The following NAPB variants were observed in gnomAD, a reference collection of about 807,000 sequenced individuals.
NAPB encodes beta-soluble NSF attachment protein.
In NAPB, 26 loss-of-function variants were observed where a neutral mutation model predicts 44.7. The ratio of observed to expected loss-of-function variants is 0.58; its 90% CI spans 0.43 to 0.81. NAPB has a LOEUF of 0.81. Ranked by LOEUF, NAPB falls within the 30% of genes least tolerant of loss-of-function variation. NAPB has a pLI of 0.00. For synonymous variants in NAPB, 120 were observed against 116.8 expected (o/e 1.03, Z -0.18); for missense variants, 315 against 356.4 (o/e 0.88, Z 0.94).
intron 1 of NAPB, among the ~76,000 whole-genome samples, chr20:23,404,611 G>A (rs1251298704): frequency 6.6e-6 from 1 of 152,136 alleles, no homozygotes; most frequent in Non-Finnish European, 1.5e-5. Flanking sequence ...GTTATTATGA[G>A]GATCAAAAGA....
chr20:23,383,044 A>G (rs1277333222), intron 7 of NAPB, among the ~76,000 whole-genome samples: 2 of 151,788 alleles, frequency 1.3e-5, no homozygotes, highest in Non-Finnish European at 2.9e-5. Context: ...AGTCCCAGCT[A>G]CTTGGGAGGC....
chr20:23,392,127 A>G (rs1984003065), intron 5 of NAPB, among the ~76,000 whole-genome samples: 1 of 152,228 alleles, frequency 6.6e-6, no homozygotes, highest in Admixed American at 6.5e-5. Context: ...TGCTAGGCTC[A>G]GGGCTGTGAT....
At chr20:23,407,060 C>T (rs1985303253) in intron 1 of NAPB, among the ~76,000 whole-genome samples, 1 of 152,258 alleles carries the variant, frequency 6.6e-6, no homozygotes, top group South Asian at 2.1e-4. Flanking sequence ...CAGTAGTGTA[C>T]CTGACACTTG....
intron 10 of NAPB, among the ~76,000 whole-genome samples, chr20:23,377,705 T>C (rs992484285): frequency 6.6e-6 from 1 of 152,234 alleles, no homozygotes; most frequent in Non-Finnish European, 1.5e-5. Context: ...GTTCCTGGGC[T>C]TGACATTTCT....
At chr20:23,409,262 T>C (rs1985478650) in intron 1 of NAPB, among the ~76,000 whole-genome samples, 1 of 152,184 alleles carries the variant, frequency 6.6e-6, no homozygotes, top group Admixed American at 6.5e-5. Context: ...TTCTGCTTAA[T>C]TAAGGACAAA....
At chr20:23,396,002 C>T (rs572720839) in intron 3 of NAPB, among the ~76,000 whole-genome samples, 5 of 152,336 alleles carry the variant, frequency 3.3e-5, no homozygotes, top group African/African-American at 4.8e-5. Context: ...ATCCCTGTTA[C>T]ACCTTTTAAA....
rs1266302943 is a variant in NAPB at position 23,421,326 on chromosome 20, G to A, written c.77C>T (p.Ser26Phe). The change falls in exon 1 of 11, where the codon TCC (serine) becomes TTC (phenylalanine). Residue 26 changes from serine to phenylalanine, a missense_variant. This residue lies in a region of NAPB where 179 missense variants were observed against 182.5 expected (regional missense o/e 0.98). Transcript: ENST00000377026. Reference sequence around the variant, plus strand: ...TCACCCAAACAGCCCTCGGAGGAAGGAGTGGGAGGCCTTGACTCGCTTCTC... The same window carrying A: ...TCACCCAAACAGCCCTCGGAGGAAGAAGTGGGAGGCCTTGACTCGCTTCTC... ...EAEKRVKASH[S>F]FLRGLFGGNT... The A allele has an allele frequency of 1.3e-6, 2 of 1,563,778 alleles. No homozygotes were observed. Among genetic ancestry groups the A allele is most frequent in the South Asian group, 2.3e-5 (2 of 85,164 alleles).
intron 2 of NAPB, among the ~76,000 whole-genome samples, chr20:23,401,732 T>C (rs1437245989): frequency 1.3e-5 from 2 of 152,042 alleles, no homozygotes; most frequent in African/African-American, 4.8e-5. Context: ...ATACAAACAA[T>C]TAGCTGGGCG....
intron 1 of NAPB, among the ~76,000 whole-genome samples, chr20:23,420,312 G>A (rs567513198): frequency 6.6e-6 from 1 of 152,312 alleles, no homozygotes; most frequent in African/African-American, 2.4e-5. Context: ...CAGCGTTACC[G>A]TTAATCAAAC....
intron 1 of NAPB, among the ~76,000 whole-genome samples, chr20:23,406,013 G>A (rs1985227020): frequency 6.6e-6 from 1 of 152,096 alleles, no homozygotes; most frequent in Non-Finnish European, 1.5e-5. Flanking sequence ...GAGGTGTTTA[G>A]GTCATGAGCC....
chr20:23,381,692 G>A (rs935601284), intron 7 of NAPB, among the ~76,000 whole-genome samples: 4 of 152,142 alleles, frequency 2.6e-5, no homozygotes, highest in Admixed American at 2.6e-4. Context: ...TCCATGGCAT[G>A]AAACTGAAGA....
At chr20:23,384,639 GA>G (rs1380581711) in intron 7 of NAPB, among the ~76,000 whole-genome samples, 1 of 150,074 alleles carries the variant, frequency 6.7e-6, no homozygotes, top group Non-Finnish European at 1.5e-5. Context: ...AAGAAAGAAA[GA>G]AAAAAAAGAA....
chr20:23,406,695 A>G (rs1985281689), intron 1 of NAPB, among the ~76,000 whole-genome samples: 1 of 152,178 alleles, frequency 6.6e-6, no homozygotes, highest in Admixed American at 6.5e-5. Context: ...CTCACATGAA[A>G]ACATTCTCAA....
At chr20:23,417,704 G>A (rs564230489) in intron 1 of NAPB, among the ~76,000 whole-genome samples, 1 of 151,944 alleles carries the variant, frequency 6.6e-6, no homozygotes, top group Non-Finnish European at 1.5e-5. Context: ...AACTACAAAA[G>A]CACATTACTG....
At chr20:23,404,531 G>A (rs1985097107) in intron 1 of NAPB, among the ~76,000 whole-genome samples, 1 of 152,168 alleles carries the variant, frequency 6.6e-6, no homozygotes, top group Non-Finnish European at 1.5e-5. Flanking sequence ...GTATGGCCCT[G>A]GACCAGTTCT....
intron 1 of NAPB, among the ~76,000 whole-genome samples, chr20:23,405,616 C>T (rs1383553110): frequency 6.6e-6 from 1 of 151,946 alleles, no homozygotes; most frequent in Admixed American, 6.6e-5. Context: ...CCCAGCTACA[C>T]AGGAGGCTGA....
rs1351091320 is a variant in NAPB at position 23,413,055 on chromosome 20, T to C, written c.98+8250A>G. ...TCATGCCTATGATCCCAGCACTCTT[T>C]GGGAGGCCAAAGCAGGAGGATTGCT... On this transcript the variant is annotated intron_variant, in intron 1 of 10. Coordinates refer to ENST00000377026, the MANE Select transcript of NAPB (RefSeq NM_022080.3). 2.0e-5 allele frequency among the ~76,000 whole-genome samples: 3 copies of C among 152,044 alleles called. No homozygotes were observed. The East Asian group carries it at 5.8e-4, about 29-fold the overall frequency.
At chr20:23,383,927 G>GT (rs1983255567) in intron 7 of NAPB, among the ~76,000 whole-genome samples, 1 of 152,118 alleles carries the variant, frequency 6.6e-6, no homozygotes, top group African/African-American at 2.4e-5. Context: ...AGAAAGGGAG[G>GT]TAAGATTTCT....
chr20:23,386,784 A>G (rs1600567223), intron 7 of NAPB, among the ~76,000 whole-genome samples: 1 of 152,278 alleles, frequency 6.6e-6, no homozygotes, highest in East Asian at 1.9e-4. Context: ...ACCTTGACCT[A>G]TGAGTCTCTC....
Sources: gnomAD v4.1 joint callset for allele counts (sites outside exome capture counted in the v4.1 genomes callset) on GRCh38, gnomAD v4.1.1 for gene constraint, gnomAD v4.1.1 regional missense constraint, MANE v1.5 for transcripts, NCBI Gene and HGNC (gene_info 2026-07-23, HGNC 2026-07-21) for gene names.